Variants in GPR137C observed in about 807,000 individuals in gnomAD.
GPR137C encodes G protein-coupled receptor 137C.
A neutral mutation model predicts 43.4 loss-of-function variants in GPR137C; 27 were observed. That is an observed-to-expected ratio of 0.62 (90% confidence interval 0.46 to 0.86). The LOEUF is 0.86. Ranked by LOEUF, GPR137C falls within the 40% of genes least tolerant of loss-of-function variation. GPR137C has a pLI of 0.00. For missense variants in GPR137C, 522 were observed against 534.6 expected (o/e 0.98, Z 0.23); for synonymous variants, 285 against 226.9 (o/e 1.26, Z -2.30).
intron 3 of GPR137C, among the ~76,000 whole-genome samples, chr14:52,616,307 G>A (rs1052164997): frequency 6.6e-6 from 1 of 151,998 alleles, no homozygotes; most frequent in Non-Finnish European, 1.5e-5. Flanking sequence ...TTGTTTGTTT[G>A]TTTTGAGACA....
chr14:52,608,430 G>T (rs10133543), intron 3 of GPR137C, among the ~76,000 whole-genome samples: 53,507 of 151,850 alleles, frequency 0.35, 10,103 homozygotes, highest in African/African-American at 0.5. Flanking sequence ...ACGTTTGATG[G>T]CACAATTTGC....
chr14:52,567,032 G>C (rs543278288), intron 1 of GPR137C, among the ~76,000 whole-genome samples: 1 of 152,278 alleles, frequency 6.6e-6, no homozygotes, highest in South Asian at 2.1e-4. Context: ...AGACTCACTT[G>C]AACCCGGGAG....
chr14:52,559,940 C>T lies in GPR137C; in HGVS notation c.444+6349C>T, dbSNP rs182410299. On this transcript the variant is annotated intron_variant, in intron 1 of 6. Coordinates refer to ENST00000321662, the MANE Select transcript of GPR137C (RefSeq NM_001099652.2). Reference sequence around the variant, plus strand: ...CTTTGGGAGGCCGAGTTGGGAGGATCGCTTTAGCTCAGCAGTTCATGACCA... The same window carrying T: ...CTTTGGGAGGCCGAGTTGGGAGGATTGCTTTAGCTCAGCAGTTCATGACCA... Among the ~76,000 whole-genome samples the T allele has an allele frequency of 2.6e-3, 393 of 152,256 alleles. 3 individuals are homozygous for T. Among genetic ancestry groups the T allele is most frequent in the Non-Finnish European group, 3.7e-3 (249 of 68,014 alleles).
At chr14:52,558,118 A>G (rs886388285) in intron 1 of GPR137C, among the ~76,000 whole-genome samples, 2 of 151,700 alleles carry the variant, frequency 1.3e-5, no homozygotes, top group African/African-American at 4.9e-5. Flanking sequence ...AAAAAAAAAA[A>G]TGCAGAATGA....
intron 1 of GPR137C, among the ~76,000 whole-genome samples, chr14:52,554,681 G>A (rs1329923045): frequency 1.3e-5 from 2 of 149,894 alleles, no homozygotes; most frequent in African/African-American, 5.0e-5. Context: ...CTTTTTTGGA[G>A]GTGATGGAAT....
chr14:52,611,090 C>T (rs1053357566), intron 3 of GPR137C, among the ~76,000 whole-genome samples: 1 of 151,990 alleles, frequency 6.6e-6, no homozygotes, highest in African/African-American at 2.4e-5. Flanking sequence ...TAAAAGTATA[C>T]CTTGTTTCCT....
At chr14:52,573,543 C>T (rs962861967) in intron 1 of GPR137C, among the ~76,000 whole-genome samples, 7 of 152,142 alleles carry the variant, frequency 4.6e-5, no homozygotes, top group Admixed American at 3.3e-4. Flanking sequence ...AAACTGGACC[C>T]CTTCCTTACA....
At chr14:52,558,243 C>A (rs551122286) in intron 1 of GPR137C, among the ~76,000 whole-genome samples, 2 of 151,978 alleles carry the variant, frequency 1.3e-5, no homozygotes, top group South Asian at 2.1e-4. Context: ...AGGGAGGTGT[C>A]GTTGCAGGCT....
chr14:52,604,069 G>T (rs535115656), intron 3 of GPR137C, among the ~76,000 whole-genome samples: 1 of 152,172 alleles, frequency 6.6e-6, no homozygotes, highest in East Asian at 1.9e-4. Context: ...CTTTTGTAGA[G>T]ATGTCTATTC....
chr14:52,629,542 A>C (rs1260870396), intron 3 of GPR137C, among the ~76,000 whole-genome samples: 2 of 152,178 alleles, frequency 1.3e-5, no homozygotes, highest in African/African-American at 2.4e-5. Flanking sequence ...ACATCCAAAA[A>C]CAAGGATGAA....
At chr14:52,624,933 A>G (rs1280246149) in intron 3 of GPR137C, among the ~76,000 whole-genome samples, 1 of 152,194 alleles carries the variant, frequency 6.6e-6, no homozygotes, top group Non-Finnish European at 1.5e-5. Flanking sequence ...ACAAGAGGAT[A>G]TATGAACAAC....
intron 1 of GPR137C, among the ~76,000 whole-genome samples, chr14:52,584,179 G>A (rs954535349): frequency 6.6e-6 from 1 of 152,022 alleles, no homozygotes; most frequent in African/African-American, 2.4e-5. Flanking sequence ...AATGCATCCT[G>A]GTTATTTGAA....
rs2039350675 is a variant in GPR137C at position 52,636,157 on chromosome 14, A to G, written c.*1042A>G. On this transcript the variant is annotated 3_prime_UTR_variant, in exon 7 of 7. Transcript: ENST00000321662. ...TGATTTTCACATTTTTATATCTTAT[A>G]TATGGGAAAAGCCAAATTAAATTGA... 1 of 152,030 alleles carries G rather than the reference A, an allele frequency of 6.6e-6. No individual in the cohort carries two copies. Among genetic ancestry groups the G allele is most frequent in the Admixed American group, 6.6e-5 (1 of 15,238 alleles). The allele number at this position is 152,030 out of a possible 1,614,324, so 9.4% of individuals were successfully genotyped here. A position where few individuals can be genotyped will look rare whatever the true frequency, so the allele number is the denominator to read the frequency against.
chr14:52,635,334 G>A lies in GPR137C; in HGVS notation c.*219G>A, dbSNP rs1343776119. On this transcript the variant is annotated 3_prime_UTR_variant, in exon 7 of 7. Transcript: ENST00000321662. ...TTGGAGTAGGAGAAAAGAGAGATTA[G>A]ATCTTAAGGCACTTGATGGCCTCCA... 2.5e-6 allele frequency: 1 copy of A among 398,278 alleles called. No individual in the cohort carries two copies. Among genetic ancestry groups the A allele is most frequent in the Non-Finnish European group, 4.4e-6 (1 of 227,094 alleles). 24.7% of individuals were successfully genotyped at this position (398,278 alleles called of 1,614,324 possible).
intron 3 of GPR137C, among the ~76,000 whole-genome samples, chr14:52,627,857 T>C (rs886281943): frequency 6.6e-6 from 1 of 152,056 alleles, no homozygotes; most frequent in Non-Finnish European, 1.5e-5. Flanking sequence ...AATATATGTA[T>C]ATTAAAAATA....
intron 1 of GPR137C, among the ~76,000 whole-genome samples, chr14:52,568,526 T>C (rs1354686520): frequency 1.3e-5 from 2 of 152,164 alleles, no homozygotes; most frequent in African/African-American, 4.8e-5. Flanking sequence ...CCCACTCCCA[T>C]GGAGCCCAGC....
intron 3 of GPR137C, chr14:52,611,897 A>C: frequency 1.0e-6 from 1 of 973,952 alleles, no homozygotes; most frequent in Non-Finnish European, 1.2e-6. Flanking sequence ...TAAAAATATA[A>C]ATGTTGACTC....
intron 1 of GPR137C, among the ~76,000 whole-genome samples, chr14:52,572,943 T>C (rs2038494195): frequency 6.6e-6 from 1 of 150,994 alleles, no homozygotes; most frequent in Admixed American, 6.6e-5. Flanking sequence ...AGCATTCCTA[T>C]ACACCAATAA....
At chr14:52,559,543 A>G (rs2038248296) in intron 1 of GPR137C, among the ~76,000 whole-genome samples, 1 of 151,986 alleles carries the variant, frequency 6.6e-6, no homozygotes. Context: ...ATGAGGGAAA[A>G]GGGGGAATTT....
Sources: allele counts gnomAD v4.1 joint callset (sites outside exome capture counted in the v4.1 genomes callset), GRCh38; gene constraint gnomAD v4.1.1; transcripts MANE v1.5; gene names NCBI Gene and HGNC (gene_info 2026-07-23, HGNC 2026-07-21).